KHSRP: variants seen among roughly 807,000 people sequenced by gnomAD.
KHSRP encodes KH-type splicing regulatory protein.
KHSRP carries 13 observed loss-of-function variants against 94.9 expected under a neutral mutation model. The ratio of observed to expected loss-of-function variants is 0.14; its 90% CI spans 0.09 to 0.22. The LOEUF is 0.22. Ranked by LOEUF, KHSRP falls within the 10% of genes least tolerant of loss-of-function variation. The pLI is 1.00. For missense variants in KHSRP, 710 were observed against 1,010.0 expected (o/e 0.70, Z 4.03); for synonymous variants, 495 against 401.4 (o/e 1.23, Z -2.79).
chr19:6,421,903 G>A (rs956717434), intron 2 of KHSRP, among the ~76,000 whole-genome samples: 1 of 152,164 alleles, frequency 6.6e-6, no homozygotes, highest in African/African-American at 2.4e-5. Flanking sequence ...TTCAGAACAC[G>A]CAACCACCAC....
intron 1 of KHSRP, among the ~76,000 whole-genome samples, chr19:6,423,669 A>G (rs1175299502): frequency 6.6e-6 from 1 of 152,188 alleles, no homozygotes; most frequent in Admixed American, 6.5e-5. Context: ...CCTTGGGAGG[A>G]GCCAGTCTCT....
At chr19:6,422,471 C>T in intron 1 of KHSRP, 35 bp from the exon 2 acceptor site, 1 of 1,488,034 alleles carries the variant, frequency 6.7e-7, no homozygotes, top group Non-Finnish European at 9.4e-7. Flanking sequence ...AGAATTACCA[C>T]CAAAAACAAC....
intron 15 of KHSRP, 117 bp downstream of exon 15, chr19:6,416,181 T>G: frequency 1.3e-6 from 1 of 785,820 alleles, no homozygotes; most frequent in Non-Finnish European, 2.0e-6. Context: ...TCCACAAAAA[T>G]GGGCTGGATG....
rs2092192558 is a variant in KHSRP at position 6,421,119 on chromosome 19, A to G, written c.425+159T>C. The G allele has an allele frequency of 4.5e-6, 3 of 669,878 alleles. No homozygotes were observed. The South Asian group carries it at 5.7e-5, about 13-fold the overall frequency. The allele number at this position is 669,878 out of a possible 1,614,324, so 41.5% of individuals were successfully genotyped here. ...GACAAGGGGTACGAGGAACGGACAC[A>G]GCTCCTCTGCCTCATTCCCGTCTGA... On this transcript the variant is annotated intron_variant, in intron 4 of 18. Coordinates refer to ENST00000600480, the MANE Select transcript of KHSRP (RefSeq NM_001366299.1).
At position 6,415,590 on chromosome 19, in the gene KHSRP, G is replaced by T; in HGVS notation, c.1832C>A (p.Pro611Gln). The change falls in exon 17 of 19, where the codon CCA becomes CAA. Residue 611 changes from proline to glutamine, a missense_variant. Transcript: ENST00000600480. Reference protein sequence around the residue: ...PPAQGEPPQPPPTGQSDYTKA... With the variant: ...PPAQGEPPQPQPTGQSDYTKA... ...AGTGTAGTCCGACTGGCCGGTGGGT[G>T]GGGGCTGAGGGGGCTCACCCTGAGC... is the stretch of plus-strand genomic sequence containing the variant. 6.6e-7 allele frequency: 1 copy of T among 1,514,790 alleles called. No homozygotes were observed. Among genetic ancestry groups the T allele is most frequent in the Non-Finnish European group, 8.8e-7 (1 of 1,131,658 alleles). 93.8% of individuals were successfully genotyped at this position (1,514,790 alleles called of 1,614,324 possible). A position where few individuals can be genotyped will look rare whatever the true frequency, so the allele number is the denominator to read the frequency against.
chr19:6,416,450 G>T, intron 14 of KHSRP, 40 bp downstream of exon 14: 1 of 1,612,622 alleles, frequency 6.2e-7, no homozygotes, highest in Non-Finnish European at 8.5e-7. Flanking sequence ...GCTGGGATCC[G>T]GGCTGTGAGA....
intron 11 of KHSRP, 69 bp downstream of exon 11, chr19:6,417,670 C>A (rs2145117237): frequency 7.3e-7 from 1 of 1,365,752 alleles, no homozygotes; most frequent in Non-Finnish European, 1.0e-6. Context: ...GTGCCCAGCT[C>A]CCTCAGAGCC....
Position 6,424,780 on chromosome 19 carries a change from A to G in KHSRP, c.-79T>C. Reference sequence around the variant, plus strand: ...GCGGCGGCGGCTCAACGCGGGAACAAGGCCTCGCTCCACACGGCCGCGGAG... The same window carrying G: ...GCGGCGGCGGCTCAACGCGGGAACAGGGCCTCGCTCCACACGGCCGCGGAG... On this transcript the variant is annotated 5_prime_UTR_variant, in exon 1 of 19. Transcript: ENST00000600480. The G allele has an allele frequency of 1.9e-6, 1 of 515,524 alleles. No homozygotes were observed. Among genetic ancestry groups the G allele is most frequent in the South Asian group, 7.8e-5 (1 of 12,864 alleles). 31.9% of individuals were successfully genotyped at this position (515,524 alleles called of 1,614,324 possible).
In KHSRP at chr19:6,418,962, G is replaced by A; in HGVS notation, c.606-86C>T. The A allele has an allele frequency of 7.3e-7, 1 of 1,371,500 alleles. No individual in the cohort carries two copies. 85.0% of individuals were successfully genotyped at this position (1,371,500 alleles called of 1,614,324 possible). On this transcript the variant is annotated intron_variant, in intron 7 of 18. Transcript: ENST00000600480. The surrounding 1 kb of genome is among the most constrained non-coding windows in gnomAD (Gnocchi z 4.3). ...GTGGCCCACCCAGCTCAAAGGGAAG[G>A]CGACCCCAGAGTGTGCAAGGATGAC...
At position 6,415,520 on chromosome 19, in the gene KHSRP, C is replaced by T; in HGVS notation, c.1888+14G>A. ...CGGCAGGGCTGGAGCCCCCCCGCCA[C>T]CCTGCAGACTCACCGATCTTTTTGT... On this transcript the variant is annotated intron_variant, in intron 17 of 18. Coordinates refer to ENST00000600480, the MANE Select transcript of KHSRP (RefSeq NM_001366299.1). 6.5e-7 allele frequency: 1 copy of T among 1,546,462 alleles called. No homozygotes were observed. The highest frequency in any genetic ancestry group is 1.2e-5 in the South Asian group (1 of 83,782).
rs1331633801 is a variant in KHSRP, at chr19:6,418,497, G to T, written c.865C>A (p.Pro289Thr). The change falls in exon 9 of 19, where the codon CCT becomes ACT. Residue 289 changes from proline (P) to threonine (T), a missense_variant. Transcript: ENST00000600480. The surrounding 1 kb of genome is among the most constrained non-coding windows in gnomAD (Gnocchi z 4.3). The stretch of plus-strand genomic sequence containing the variant: ...GGCGTGCTCACCTGCACTTTGTAAG[G>T]ATCCCCAATGATGCGGAGAGGTTTG... ...VDKPLRIIGD[P>T]YKVQQACEMV... 6.2e-7 allele frequency: 1 copy of T among 1,613,472 alleles called. No individual in the cohort carries two copies. The highest frequency in any genetic ancestry group is 8.5e-7 in the Non-Finnish European group (1 of 1,179,650).
intron 6 of KHSRP, among the ~76,000 whole-genome samples, chr19:6,419,462 G>A (rs2092181634): frequency 6.6e-6 from 1 of 152,198 alleles, no homozygotes; most frequent in Non-Finnish European, 1.5e-5. Flanking sequence ...AAGGGAGGTA[G>A]GACTTTAAGG....
In KHSRP at chr19:6,414,045, C is replaced by A; in HGVS notation, c.*979G>T. ...CTCTCTCGCCAAACAAAACAGAAGC[C>A]CCCAAACAGAACAAAATGGAAAAAA... On this transcript the variant is annotated 3_prime_UTR_variant, in exon 19 of 19. Transcript: ENST00000600480. The A allele has an allele frequency of 6.4e-7, 1 of 1,566,488 alleles. No individual in the cohort carries two copies. The highest frequency in any genetic ancestry group is 8.6e-7 in the Non-Finnish European group (1 of 1,157,502).
At chr19:6,415,782 CCT>C in intron 16 of KHSRP, 24 bp downstream of exon 16, 3 of 1,555,588 alleles carry the variant, frequency 1.9e-6, no homozygotes, top group Non-Finnish European at 2.6e-6. Context: ...CAGGGCCTGC[CCT>C]CCGCCAGGTG....
rs762008747 is a variant in KHSRP at position 6,414,178 on chromosome 19, AG to A, written c.*845del. 6.5e-7 allele frequency: 1 copy of A among 1,540,052 alleles called. No homozygotes were observed. Among genetic ancestry groups the A allele is most frequent in the African/African-American group, 1.4e-5 (1 of 71,120 alleles). Reference sequence around the variant, plus strand: ...TACGGGGAGGGAAGGGTGGGAGACTAGGGGGCGGAAGAGAGGAGGGGCTGGA... The same window carrying A: ...TACGGGGAGGGAAGGGTGGGAGACTAGGGGCGGAAGAGAGGAGGGGCTGGA... On this transcript the variant is annotated 3_prime_UTR_variant, in exon 19 of 19. Coordinates refer to ENST00000600480, the MANE Select transcript of KHSRP (RefSeq NM_001366299.1).
In KHSRP at chr19:6,424,535, C is replaced by A; in HGVS notation, c.167G>T (p.Gly56Val). The change falls in exon 1 of 19, where the codon GGG becomes GTG. Residue 56 changes from glycine to valine, a missense_variant. Physicochemically the swap from Gly to Val is moderately radical, Grantham distance 109. This residue lies in a region of KHSRP where 92 missense variants were observed against 80.8 expected (regional missense o/e 1.14). Transcript: ENST00000600480. ...GGGGPGGGSA[G>V]GPSQPPGGGG... ...TCCGCCGGGTGGCTGAGAGGGGCCCCCGGCCGACCCCCCGCCCGGGCCGCC... is the reference window on the plus strand; with the variant it reads ...TCCGCCGGGTGGCTGAGAGGGGCCCACGGCCGACCCCCCGCCCGGGCCGCC... 1.0e-6 allele frequency: 1 copy of A among 978,910 alleles called. No individual in the cohort carries two copies. The highest frequency in any genetic ancestry group is 4.6e-5 in the South Asian group (1 of 21,858). 60.6% of individuals were successfully genotyped at this position (978,910 alleles called of 1,614,324 possible). A position where few individuals can be genotyped will look rare whatever the true frequency, so the allele number is the denominator to read the frequency against.
intron 11 of KHSRP, 149 bp downstream of exon 11, chr19:6,417,590 G>A: frequency 4.7e-6 from 3 of 642,216 alleles, no homozygotes; most frequent in South Asian, 3.6e-5. Context: ...GAGAAGAGAA[G>A]GGACTGGCCA....
At position 6,418,770 on chromosome 19, in the gene KHSRP, T is replaced by C; in HGVS notation, c.712A>G (p.Ile238Val). Reference protein sequence around the residue: ...NGGQNGTVQEIMIPAGKAGLV... With the variant: ...NGGQNGTVQEVMIPAGKAGLV... Reference sequence around the variant, plus strand: ...CCGGCCTTGCCCGCGGGGATCATGATCTCCTGCACGGTGCCGTTCTGGCCC... The same window carrying C: ...CCGGCCTTGCCCGCGGGGATCATGACCTCCTGCACGGTGCCGTTCTGGCCC... Residue 238 changes from isoleucine to valine, a missense_variant, in exon 8 of 19, where the codon ATC becomes GTC. This residue lies in a region of KHSRP where 288 missense variants were observed against 501.1 expected (regional missense o/e 0.57). Coordinates refer to ENST00000600480, the MANE Select transcript of KHSRP (RefSeq NM_001366299.1). The surrounding 1 kb of genome is among the most constrained non-coding windows in gnomAD (Gnocchi z 4.3). The C allele has an allele frequency of 6.2e-7, 1 of 1,611,310 alleles. No homozygotes were observed. The highest frequency in any genetic ancestry group is 8.5e-7 in the Non-Finnish European group (1 of 1,179,086).
Position 6,414,809 on chromosome 19 carries a change from C to T in KHSRP, c.*215G>A. The T allele has an allele frequency of 8.5e-7, 1 of 1,181,538 alleles. No individual in the cohort carries two copies. The highest frequency in any genetic ancestry group is 4.2e-5 in the East Asian group (1 of 24,046). 73.2% of individuals were successfully genotyped at this position (1,181,538 alleles called of 1,614,324 possible). On this transcript the variant is annotated 3_prime_UTR_variant, in exon 19 of 19. Coordinates refer to ENST00000600480, the MANE Select transcript of KHSRP (RefSeq NM_001366299.1). ...GTGGTGGCGGCCGGGCCGGTGCCCA[C>T]CGTCCGCGCTGTCTGCCTGCCCCCC...
Sources: gnomAD v4.1 joint callset for allele counts (sites outside exome capture counted in the v4.1 genomes callset) on GRCh38, gnomAD v4.1.1 for gene constraint, gnomAD v4.1.1 regional missense constraint, Gnocchi (gnomAD v3.1) non-coding constraint, MANE v1.5 for transcripts, NCBI Gene and HGNC (gene_info 2026-07-23, HGNC 2026-07-21) for gene names.